The following LRP2 variants were observed in gnomAD, a reference collection of about 807,000 sequenced individuals.
LRP2 encodes LDL receptor related protein 2.
A neutral mutation model predicts 531.0 loss-of-function variants in LRP2; 172 were observed. The observed-to-expected ratio is 0.32, with a 90% CI of 0.29 to 0.37. The LOEUF is 0.37. Ranked by LOEUF, LRP2 falls within the 10% of genes least tolerant of loss-of-function variation. The pLI, the probability that LRP2 is intolerant of heterozygous loss-of-function variation, is 1.00. For synonymous variants in LRP2, 1,992 were observed against 2,027.6 expected, an observed-to-expected ratio of 0.98 and a Z score of 0.47; for missense variants, 5,167 against 5,868.3, an observed-to-expected ratio of 0.88 and a Z score of 3.90.
chr2:169,140,050 G>C (rs1045080861), intron 72 of LRP2, among the ~76,000 whole-genome samples: 17 of 152,198 alleles, frequency 1.1e-4, no homozygotes, highest in African/African-American at 3.9e-4. Context: ...CATCACGAGT[G>C]CCTTGTACTA....
chr2:169,154,848 T>C (rs957737264), intron 65 of LRP2, among the ~76,000 whole-genome samples: 1 of 152,226 alleles, frequency 6.6e-6, no homozygotes, highest in Non-Finnish European at 1.5e-5. Flanking sequence ...TTCTTTATTC[T>C]TTGTACTCAG....
chr2:169,182,015 C>G, intron 51 of LRP2, 152 bp downstream of exon 51: 1 of 924,048 alleles, frequency 1.1e-6, no homozygotes, highest in Admixed American at 2.0e-5. Flanking sequence ...CATGCTTCTA[C>G]TCATTACACT....
chr2:169,176,360 G>A (rs746636498), intron 54 of LRP2, 51 bp downstream of exon 54: 1 of 1,607,458 alleles, frequency 6.2e-7, no homozygotes, highest in African/African-American at 1.3e-5. Context: ...GAAGGTCAAT[G>A]TCTGTCCACG....
intron 8 of LRP2, among the ~76,000 whole-genome samples, chr2:169,289,632 T>A: frequency 6.6e-6 from 1 of 152,096 alleles, no homozygotes; most frequent in East Asian, 1.9e-4. Flanking sequence ...TTAAAAGTCT[T>A]ATTTATGAAA....
In LRP2 at chr2:169,151,157, G is replaced by C; in HGVS notation, c.12462-131C>G. On this transcript the variant is annotated intron_variant, in intron 67 of 78. Transcript: ENST00000649046. ...CTCAGATACCTATCATCAGACCATAGTCCCCCTCTCTTGGGGGAACTACAG... is the reference window on the plus strand; with the variant it reads ...CTCAGATACCTATCATCAGACCATACTCCCCCTCTCTTGGGGGAACTACAG... The C allele has an allele frequency of 3.2e-6, 3 of 943,268 alleles. No homozygotes were observed. In the East Asian group the frequency reaches 7.3e-5, roughly 23 times the overall value. 58.4% of individuals were successfully genotyped at this position (943,268 alleles called of 1,614,324 possible).
At chr2:169,211,038 CTA>C (rs1422373163) in intron 37 of LRP2, among the ~76,000 whole-genome samples, 1 of 152,046 alleles carries the variant, frequency 6.6e-6, no homozygotes, top group African/African-American at 2.4e-5. Flanking sequence ...GAGAAAAAAA[CTA>C]TTGAATTTGT....
chr2:169,277,660 C>T (rs1683590901), intron 13 of LRP2, 85 bp downstream of exon 13: 3 of 1,211,480 alleles, frequency 2.5e-6, no homozygotes, highest in South Asian at 2.5e-5. Context: ...TATTTTAATT[C>T]TGGTCCTTTG....
At chr2:169,133,932 C>T (rs575228297) in intron 76 of LRP2, among the ~76,000 whole-genome samples, 1 of 152,328 alleles carries the variant, frequency 6.6e-6, no homozygotes, top group South Asian at 2.1e-4. Flanking sequence ...GCCCCCATTA[C>T]TTCAGTCAAG....
At chr2:169,317,140 C>T (rs72880421) in intron 3 of LRP2, among the ~76,000 whole-genome samples, 7,797 of 152,170 alleles carry the variant, frequency 0.051, 231 homozygotes, top group Non-Finnish European at 0.06. Flanking sequence ...AAATGATATG[C>T]AATATTGTTT....
At chr2:169,302,707 G>C (rs1684315193) in intron 4 of LRP2, among the ~76,000 whole-genome samples, 1 of 150,960 alleles carries the variant, frequency 6.6e-6, no homozygotes, top group African/African-American at 2.4e-5. Flanking sequence ...ATGAACACAA[G>C]CCAGACTGTG....
At chr2:169,325,242 C>T (rs1685017683) in intron 1 of LRP2, among the ~76,000 whole-genome samples, 1 of 152,096 alleles carries the variant, frequency 6.6e-6, no homozygotes, top group South Asian at 2.1e-4. Context: ...GTGGCAAATC[C>T]TATTTCCCCG....
chr2:169,159,182 C>G (rs1686479481), intron 63 of LRP2, among the ~76,000 whole-genome samples: 1 of 152,174 alleles, frequency 6.6e-6, no homozygotes, highest in South Asian at 2.1e-4. Context: ...TAAGCTTCAT[C>G]TACCTCTCAA....
chr2:169,268,883 C>A (rs1490049633), intron 16 of LRP2, among the ~76,000 whole-genome samples: 2 of 152,178 alleles, frequency 1.3e-5, no homozygotes, highest in Non-Finnish European at 2.9e-5. Flanking sequence ...TCTCCTTAAG[C>A]TGATAAGCAA....
At chr2:169,149,251 A>C (rs1475301636) in intron 68 of LRP2, among the ~76,000 whole-genome samples, 2 of 152,210 alleles carry the variant, frequency 1.3e-5, no homozygotes, top group African/African-American at 2.4e-5. Context: ...AAATGTTGGC[A>C]CTTCTCATTG....
intron 3 of LRP2, among the ~76,000 whole-genome samples, chr2:169,310,155 C>T (rs947749438): frequency 1.3e-5 from 2 of 152,160 alleles, no homozygotes; most frequent in African/African-American, 2.4e-5. Flanking sequence ...AATATACAAT[C>T]ATGTCATCTG....
rs372947413 is a variant in LRP2, at chr2:169,302,116, TG to T, written c.427+5164del. On this transcript the variant is annotated intron_variant, in intron 4 of 78. Coordinates refer to ENST00000649046, the MANE Select transcript of LRP2 (RefSeq NM_004525.3). ...AGTAATGATTTCCATGCATCGTCAC[TG>T]CAGAAATAATAAAGTGTCATGTCTC... Among the ~76,000 whole-genome samples, 110 of 152,282 alleles carry T rather than the reference TG, an allele frequency of 7.2e-4. 1 individual carries two copies. The East Asian group carries it at 0.016, about 23-fold the overall frequency.
Position 169,209,448 on chromosome 2 carries a change from C to T in LRP2, c.6469+5G>A. ...CATATTAAAATCACCATATAGCTTA[C>T]ATACCTGCTACCCAATCCACTGCAA... On this transcript the variant is annotated splice_donor_5th_base_variant and intron_variant, in intron 38 of 78. Transcript: ENST00000649046. The T allele has an allele frequency of 6.2e-7, 1 of 1,613,598 alleles. No homozygotes were observed. The highest frequency in any genetic ancestry group is 8.5e-7 in the Non-Finnish European group (1 of 1,179,508).
chr2:169,300,309 A>T (rs1298763040), intron 4 of LRP2, among the ~76,000 whole-genome samples: 1 of 152,114 alleles, frequency 6.6e-6, no homozygotes, highest in Non-Finnish European at 1.5e-5. Flanking sequence ...AACTGTGGGG[A>T]GTAGCTCTCT....
chr2:169,133,927 C>G (rs139023066), intron 76 of LRP2, among the ~76,000 whole-genome samples: 24,657 of 152,152 alleles, frequency 0.16, 3,347 homozygotes, highest in African/African-American at 0.38. Context: ...AGACAGCCCC[C>G]ATTACTTCAG....
Sources: gnomAD v4.1 joint callset for allele counts (sites outside exome capture counted in the v4.1 genomes callset) on GRCh38, gnomAD v4.1.1 for gene constraint, MANE v1.5 for transcripts, NCBI Gene and HGNC (gene_info 2026-07-23, HGNC 2026-07-21) for gene names.